MORC4: variants seen among roughly 807,000 people sequenced by gnomAD.
The protein encoded by MORC4 is MORC family CW-type zinc finger protein 4.
Under a neutral mutation model 65.5 loss-of-function variants are expected in MORC4, and 22 were observed. The ratio of observed to expected loss-of-function variants is 0.34; its 90% CI spans 0.24 to 0.48. The LOEUF is 0.48. Ranked by LOEUF, MORC4 falls within the 20% of genes least tolerant of loss-of-function variation. The pLI, the probability that MORC4 is intolerant of heterozygous loss-of-function variation, is 0.99. For missense variants in MORC4, 624 were observed against 703.0 expected (o/e 0.89, Z 1.27); for synonymous variants, 267 against 255.8 (o/e 1.04, Z -0.42).
intron 7 of MORC4, among the ~76,000 whole-genome samples, chrX:106,979,462 A>G (rs776246770): frequency 4.5e-5 from 5 of 111,169 alleles, no homozygotes; most frequent in Admixed American, 9.6e-5. Flanking sequence ...GTGAGGGTAC[A>G]GTGGGGTAGG....
intron 9 of MORC4, among the ~76,000 whole-genome samples, chrX:106,967,554 A>C (rs1450166464): frequency 8.9e-6 from 1 of 112,121 alleles, no homozygotes; most frequent in African/African-American, 3.2e-5. Flanking sequence ...ATAGTAAGGA[A>C]GCTAAAAACC....
chrX:106,992,395 T>C (rs918797835), intron 3 of MORC4, among the ~76,000 whole-genome samples: 3 of 112,341 alleles, frequency 2.7e-5, no homozygotes, highest in Non-Finnish European at 5.6e-5. Flanking sequence ...ACACTCTAGT[T>C]CAGGAAGCCA....
At chrX:106,945,278 ATCAG>A (rs1318231249) in intron 14 of MORC4, among the ~76,000 whole-genome samples, 3 of 111,223 alleles carry the variant, frequency 2.7e-5, no homozygotes, top group Admixed American at 9.6e-5. Flanking sequence ...CTTCACAAAC[ATCAG>A]TCAAACTGGA....
chrX:106,962,536 C>G (rs1934274708), intron 9 of MORC4, among the ~76,000 whole-genome samples: 1 of 111,914 alleles, frequency 8.9e-6, no homozygotes, highest in South Asian at 3.8e-4. Context: ...AGGTAAAAAT[C>G]AGATGATCAA....
intron 2 of MORC4, among the ~76,000 whole-genome samples, chrX:106,993,819 C>T (rs763701205): frequency 7.1e-5 from 8 of 112,089 alleles, no homozygotes; most frequent in Non-Finnish European, 1.5e-4. Flanking sequence ...TATTTGTGAT[C>T]ATTTTATTTT....
At chrX:106,994,917 A>C (rs1158236894) in intron 2 of MORC4, among the ~76,000 whole-genome samples, 1 of 111,373 alleles carries the variant, frequency 9.0e-6, no homozygotes, top group Non-Finnish European at 1.9e-5. Context: ...GTTTTGATAC[A>C]CTTATACAAT....
intron 13 of MORC4, 55 bp from the exon 14 acceptor site, chrX:106,955,143 G>T: frequency 1.1e-6 from 1 of 910,719 alleles, no homozygotes; most frequent in African/African-American, 2.0e-5. Flanking sequence ...AAATGCCAAA[G>T]GATGAGTCAA....
At chrX:106,946,902 A>T (rs1313500968) in intron 14 of MORC4, among the ~76,000 whole-genome samples, 1 of 111,353 alleles carries the variant, frequency 9.0e-6, no homozygotes, top group Non-Finnish European at 1.9e-5. Context: ...TCAGCCTCCC[A>T]AAGTGCTGGG....
At chrX:106,964,511 G>T (rs753599371) in intron 9 of MORC4, among the ~76,000 whole-genome samples, 1 of 111,331 alleles carries the variant, frequency 9.0e-6, no homozygotes, top group Non-Finnish European at 1.9e-5. Context: ...TGAAAGACAC[G>T]AATATAAACA....
At chrX:106,999,844 C>A (rs1214415418) in intron 1 of MORC4, 24 bp downstream of exon 1, 8 of 852,181 alleles carry the variant, frequency 9.4e-6, no homozygotes, top group Non-Finnish European at 1.1e-5. Context: ...CGCGCGCGTC[C>A]GCCCCCTCGG....
chrX:106,956,664 G>C lies in MORC4; in HGVS notation c.1455-130C>G, dbSNP rs1216281687. On this transcript the variant is annotated intron_variant, in intron 12 of 16. Coordinates refer to ENST00000355610, the MANE Select transcript of MORC4 (RefSeq NM_024657.5). ...ATACTGTGAGCCTCATTGAGTAACT[G>C]AGGGTGCCTTTCTGAACTAGGCTAC... 6.7e-6 allele frequency: 4 copies of C among 594,604 alleles called. 1 individual carries two copies. Among genetic ancestry groups the C allele is most frequent in the Middle Eastern group, 1.0e-3 (2 of 1,999 alleles). The allele number at this position is 594,604 out of a possible 1,213,427, so 49.0% of individuals were successfully genotyped here.
intron 14 of MORC4, among the ~76,000 whole-genome samples, chrX:106,943,450 T>C (rs1323962374): frequency 9.0e-6 from 1 of 111,192 alleles, no homozygotes; most frequent in Non-Finnish European, 1.9e-5. Flanking sequence ...TAGGACTAGG[T>C]TGACCTTGGT....
In MORC4 at chrX:106,947,571, T is replaced by TTATATA. The variant is rs764069844; in HGVS notation, c.1686-4372_1686-4367dup. Among the ~76,000 whole-genome samples, 226 of 77,943 alleles carry TTATATA rather than the reference T, an allele frequency of 2.9e-3. 3 individuals are homozygous for TTATATA. Among genetic ancestry groups the TTATATA allele is most frequent in the African/African-American group, 0.01 (202 of 19,372 alleles). The allele number at this position is 77,943 out of a possible 115,157, so 67.7% of individuals were successfully genotyped here. ...CCTGTAGTTAATCTATATATATATA[T>TTATATA]TATATATATATATATATATAATATA... On this transcript the variant is annotated intron_variant, in intron 14 of 16. Transcript: ENST00000355610.
At position 106,941,720 on chromosome X, in the gene MORC4, A is replaced by G. The variant is rs1241087870; in HGVS notation, c.2661-88T>C. The G allele has an allele frequency of 4.3e-6, 4 of 940,508 alleles. No individual in the cohort carries two copies. The African/African-American group carries it at 7.8e-5, about 18-fold the overall frequency. The allele number at this position is 940,508 out of a possible 1,213,427, so 77.5% of individuals were successfully genotyped here. A position where few individuals can be genotyped will look rare whatever the true frequency, so the allele number is the denominator to read the frequency against. The stretch of plus-strand genomic sequence containing the variant: ...AATGAAGCCCCTTCAAAATGGAACC[A>G]CATTTCTCAACAGTTATGTTTTCAT... On this transcript the variant is annotated intron_variant, in intron 16 of 16. Transcript: ENST00000355610.
chrX:106,981,516 G>A, intron 5 of MORC4, 39 bp from the exon 6 acceptor site: 1 of 1,107,803 alleles, frequency 9.0e-7, no homozygotes, highest in Non-Finnish European at 1.2e-6. Context: ...ACAAAAACTG[G>A]CTCCAGAGGA....
chrX:106,965,573 G>A (rs1934354232), intron 9 of MORC4, among the ~76,000 whole-genome samples: 1 of 112,073 alleles, frequency 8.9e-6, no homozygotes, highest in Admixed American at 9.4e-5. Flanking sequence ...ATGCTACCTG[G>A]AAGAGGGGTA....
chrX:106,951,860 G>A (rs1374351602), intron 14 of MORC4, among the ~76,000 whole-genome samples: 7 of 108,094 alleles, frequency 6.5e-5, no homozygotes, highest in African/African-American at 2.4e-4. Context: ...GCCGGGCGTG[G>A]TGGCACGCGC....
At chrX:106,944,542 G>A (rs993072208) in intron 14 of MORC4, among the ~76,000 whole-genome samples, 1 of 111,029 alleles carries the variant, frequency 9.0e-6, no homozygotes, top group African/African-American at 3.3e-5. Context: ...CTTCTCTTCT[G>A]ACCCTGTATT....
In MORC4 at chrX:106,962,055, A is replaced by T. The variant is rs1934259080; in HGVS notation, c.1213T>A (p.Ser405Thr). ...KLNAYWKEKT[S>T]QDNFETSTVA... ...GTTGAGGTCTCAAAATTATCTTGAG[A>T]TGTTTTTTCCTTCCAGTAAGCATTG... The change falls in exon 10 of 17, where the codon TCT becomes ACT. Residue 405 changes from serine (S) to threonine (T), a missense_variant. Physicochemically the swap from Ser to Thr is moderately conservative, Grantham distance 58 (BLOSUM62 1). Coordinates refer to ENST00000355610, the MANE Select transcript of MORC4 (RefSeq NM_024657.5). 2 of 1,208,917 alleles carry T rather than the reference A, an allele frequency of 1.7e-6. No homozygotes were observed. The highest frequency in any genetic ancestry group is 4.4e-5 in the Admixed American group (2 of 45,743).
Sources: gnomAD v4.1 joint callset for allele counts (sites outside exome capture counted in the v4.1 genomes callset) on GRCh38, gnomAD v4.1.1 for gene constraint, MANE v1.5 for transcripts, NCBI Gene and HGNC (gene_info 2026-07-23, HGNC 2026-07-21) for gene names.